Variants in SLC9A9 observed in about 807,000 individuals in gnomAD.
SLC9A9 encodes the protein solute carrier family 9 member A9.
SLC9A9 carries 62 observed loss-of-function variants against 77.8 expected under a neutral mutation model. That is an observed-to-expected ratio of 0.80 (90% confidence interval 0.65 to 0.98). The LOEUF (loss-of-function observed/expected upper bound fraction) is 0.98, where lower values mean the gene tolerates loss of function less well. Ranked by LOEUF, SLC9A9 falls within the 50% of genes least tolerant of loss-of-function variation. SLC9A9 has a pLI of 0.00. For missense variants in SLC9A9, 775 were observed against 774.9 expected (o/e 1.00, Z 0.00); for synonymous variants, 320 against 283.5 (o/e 1.13, Z -1.29).
At chr3:143,660,149 T>A (rs2038957659) in intron 5 of SLC9A9, among the ~76,000 whole-genome samples, 1 of 152,252 alleles carries the variant, frequency 6.6e-6, no homozygotes, top group Non-Finnish European at 1.5e-5. Flanking sequence ...AATACAGTTA[T>A]GGATCTTAAA....
chr3:143,347,327 A>C (rs2032313763), intron 14 of SLC9A9, among the ~76,000 whole-genome samples: 1 of 152,236 alleles, frequency 6.6e-6, no homozygotes, highest in South Asian at 2.1e-4. Flanking sequence ...GTGGGAAAGA[A>C]GCAGAAATAG....
chr3:143,826,469 C>T (rs2009303630), intron 2 of SLC9A9, among the ~76,000 whole-genome samples: 1 of 152,116 alleles, frequency 6.6e-6, no homozygotes, highest in South Asian at 2.1e-4. Context: ...TTGCATCTAC[C>T]TCTTGGTTAC....
chr3:143,375,716 T>C (rs965312347), intron 13 of SLC9A9, among the ~76,000 whole-genome samples: 2 of 152,226 alleles, frequency 1.3e-5, no homozygotes, highest in Non-Finnish European at 2.9e-5. Context: ...ACAAGTCCAC[T>C]ATAGAACAAC....
chr3:143,583,171 T>C (rs181758090), intron 6 of SLC9A9, among the ~76,000 whole-genome samples: 1 of 151,668 alleles, frequency 6.6e-6, no homozygotes, highest in South Asian at 2.1e-4. Context: ...TAAATAAAAA[T>C]ATATATAAAT....
intron 4 of SLC9A9, among the ~76,000 whole-genome samples, chr3:143,761,756 G>A (rs2108832618): frequency 6.6e-6 from 1 of 152,294 alleles, no homozygotes; most frequent in East Asian, 1.9e-4. Context: ...CTATAAACTA[G>A]TTCAACCATT....
chr3:143,650,266 T>G (rs943469192), intron 6 of SLC9A9, among the ~76,000 whole-genome samples: 7 of 152,168 alleles, frequency 4.6e-5, no homozygotes, highest in African/African-American at 1.7e-4. Context: ...TTAAATGATA[T>G]GCAAATATGG....
chr3:143,758,864 A>C (rs2007018563), intron 4 of SLC9A9, among the ~76,000 whole-genome samples: 1 of 152,124 alleles, frequency 6.6e-6, no homozygotes, highest in Admixed American at 6.5e-5. Flanking sequence ...GCAAAATGAG[A>C]GGTTACTAAC....
At chr3:143,724,295 C>T (rs1404080712) in intron 4 of SLC9A9, among the ~76,000 whole-genome samples, 1 of 152,188 alleles carries the variant, frequency 6.6e-6, no homozygotes, top group East Asian at 1.9e-4. Context: ...AAGAAGTTCT[C>T]TGCTTCCCCT....
chr3:143,543,310 T>A (rs1296935202), intron 9 of SLC9A9, among the ~76,000 whole-genome samples: 2 of 151,914 alleles, frequency 1.3e-5, no homozygotes, highest in Non-Finnish European at 2.9e-5. Context: ...GGCCCACCCC[T>A]AACTATTTCT....
intron 1 of SLC9A9, among the ~76,000 whole-genome samples, chr3:143,835,188 G>T (rs1330625303): frequency 6.6e-6 from 1 of 152,164 alleles, no homozygotes; most frequent in Non-Finnish European, 1.5e-5. Context: ...GCATCCTCAT[G>T]CTCACTCCCC....
chr3:143,512,995 T>C (rs1387710512), intron 9 of SLC9A9, among the ~76,000 whole-genome samples: 1 of 152,244 alleles, frequency 6.6e-6, no homozygotes, highest in Non-Finnish European at 1.5e-5. Flanking sequence ...ATCTTTTTCC[T>C]AGTGGAGGGT....
intron 5 of SLC9A9, among the ~76,000 whole-genome samples, chr3:143,666,756 T>C (rs1040417484): frequency 5.3e-5 from 8 of 152,216 alleles, no homozygotes; most frequent in African/African-American, 1.9e-4. Flanking sequence ...ATAAAATACC[T>C]AGGAATCCAA....
chr3:143,289,938 C>T (rs1938492185), intron 14 of SLC9A9, among the ~76,000 whole-genome samples: 1 of 152,204 alleles, frequency 6.6e-6, no homozygotes, highest in Non-Finnish European at 1.5e-5. Context: ...TGAGACATGT[C>T]TCCTTCGTAA....
At chr3:143,544,375 T>C (rs868013810) in intron 9 of SLC9A9, among the ~76,000 whole-genome samples, 6 of 152,054 alleles carry the variant, frequency 3.9e-5, no homozygotes, top group Admixed American at 6.6e-5. Flanking sequence ...TATAGGCGCC[T>C]GCCACCACGC....
At chr3:143,529,846 A>G (rs1223333335) in intron 9 of SLC9A9, among the ~76,000 whole-genome samples, 1 of 152,192 alleles carries the variant, frequency 6.6e-6, no homozygotes, top group Non-Finnish European at 1.5e-5. Context: ...TTTCCAGTAA[A>G]TTTAGCAAAT....
chr3:143,847,097 A>G (rs1196758836), intron 1 of SLC9A9, among the ~76,000 whole-genome samples: 1 of 152,202 alleles, frequency 6.6e-6, no homozygotes, highest in African/African-American at 2.4e-5. Context: ...TACACTGTTA[A>G]TATCAGGACA....
At chr3:143,330,465 A>G (rs1315866648) in intron 14 of SLC9A9, among the ~76,000 whole-genome samples, 1 of 152,194 alleles carries the variant, frequency 6.6e-6, no homozygotes, top group Non-Finnish European at 1.5e-5. Flanking sequence ...TTTCTCATTA[A>G]TCTTCATTTA....
At chr3:143,483,299 G>C (rs2035603585) in intron 11 of SLC9A9, among the ~76,000 whole-genome samples, 1 of 152,178 alleles carries the variant, frequency 6.6e-6, no homozygotes, top group Non-Finnish European at 1.5e-5. Flanking sequence ...GAGGTAATGG[G>C]TGGAGGTGGG....
At chr3:143,723,812 A>G (rs1203869718) in intron 4 of SLC9A9, among the ~76,000 whole-genome samples, 1 of 152,182 alleles carries the variant, frequency 6.6e-6, no homozygotes, top group Non-Finnish European at 1.5e-5. Context: ...CATCCTGGTT[A>G]CCTGAGAGTG....
Sources: allele counts gnomAD v4.1 joint callset (sites outside exome capture counted in the v4.1 genomes callset), GRCh38; gene constraint gnomAD v4.1.1; transcripts MANE v1.5; gene names NCBI Gene and HGNC (gene_info 2026-07-23, HGNC 2026-07-21).